The following PCGF3 variants were observed in gnomAD, a reference collection of about 807,000 sequenced individuals.
PCGF3 encodes the protein polycomb group ring finger 3.
PCGF3 carries 7 observed loss-of-function variants against 33.1 expected under a neutral mutation model. The observed-to-expected ratio is 0.21, with a 90% confidence interval of 0.12 to 0.40. PCGF3 has a LOEUF of 0.40. Among genes scored for constraint, PCGF3 ranks in the 10% least tolerant of loss-of-function variants. The pLI is 1.00. For missense variants in PCGF3, 211 were observed against 313.3 expected (o/e 0.67, Z 2.46); for synonymous variants, 153 against 121.3 (o/e 1.26, Z -1.72).
chr4:720,118 C>G lies in PCGF3; in HGVS notation c.-189-10512C>G, dbSNP rs1167837151. The stretch of plus-strand genomic sequence containing the variant: ...CTGGCATCGACTGGATGGCCTTTCC[C>G]TCCTGAGTGACAGCCCTGGACGTGC... On this transcript the variant is annotated intron_variant, in intron 1 of 10. Coordinates refer to ENST00000362003, the Ensembl canonical transcript of PCGF3. This position sits in a 1 kb window ranked among gnomAD's most constrained non-coding sequence, Gnocchi z 5.6. 5.3e-5 allele frequency among the ~76,000 whole-genome samples: 8 copies of G among 152,210 alleles called. No individual in the cohort carries two copies. The highest frequency in any genetic ancestry group is 5.2e-4 in the Admixed American group (8 of 15,292).
chr4:735,091 G>A (rs1003284821), intron 5 of PCGF3, 64 bp downstream of exon 5: 92 of 1,544,212 alleles, frequency 6.0e-5, no homozygotes, highest in Non-Finnish European at 5.9e-5. Flanking sequence ...CTCTGTGTGT[G>A]GGCCTTCCCA....
chr4:710,636 C>CATGATTCA (rs1410240754), intron 1 of PCGF3, among the ~76,000 whole-genome samples: 8 of 152,204 alleles, frequency 5.3e-5, no homozygotes, highest in Admixed American at 5.2e-4. Context: ...TCTCCGATGT[C>CATGATTCA]ACCGTCATGA....
intron 8 of PCGF3, among the ~76,000 whole-genome samples, chr4:748,436 T>G (rs1262110062): frequency 6.6e-6 from 1 of 152,204 alleles, no homozygotes; most frequent in Admixed American, 6.5e-5. Context: ...CTGGCCCGCC[T>G]CAGCCTCCCA....
chr4:732,679 G>C (rs1483122597), intron 3 of PCGF3, among the ~76,000 whole-genome samples: 1 of 152,166 alleles, frequency 6.6e-6, no homozygotes, highest in Non-Finnish European at 1.5e-5. Context: ...TGGGCCTCTT[G>C]GTGGCGGTGA....
chr4:764,767 C>A (rs910638064), intron 9 of PCGF3: 3 of 530,156 alleles, frequency 5.7e-6, no homozygotes, highest in Non-Finnish European at 1.0e-5. Context: ...ATATGTTGCA[C>A]TGGATTTCCG....
intron 8 of PCGF3, among the ~76,000 whole-genome samples, chr4:760,613 C>T (rs73222807): frequency 0.054 from 8,207 of 152,314 alleles, 298 homozygotes; most frequent in East Asian, 0.12. Flanking sequence ...CTAACTGTGC[C>T]GTTTGTTGCG....
At chr4:756,389 T>A (rs1361120443) in intron 8 of PCGF3, among the ~76,000 whole-genome samples, 1 of 151,688 alleles carries the variant, frequency 6.6e-6, no homozygotes, top group Non-Finnish European at 1.5e-5. Context: ...ATTTTTGTAT[T>A]TTTATTACAG....
chr4:716,528 C>T (rs1420445051), intron 1 of PCGF3, among the ~76,000 whole-genome samples: 1 of 124,352 alleles, frequency 8.0e-6, no homozygotes, highest in Admixed American at 8.2e-5. Flanking sequence ...AACTGGGTGT[C>T]GGTGCTGGGA....
chr4:761,533 G>GA (rs1745057652), intron 9 of PCGF3, 117 bp downstream of exon 9: 5 of 1,425,490 alleles, frequency 3.5e-6, no homozygotes, highest in African/African-American at 2.9e-5. Flanking sequence ...ATTTTAACCA[G>GA]AAAAAAATCC....
intron 6 of PCGF3, among the ~76,000 whole-genome samples, chr4:737,731 TATTC>T (rs1376105626): frequency 6.6e-6 from 1 of 152,196 alleles, no homozygotes; most frequent in African/African-American, 2.4e-5. Context: ...CCCTTATGTG[TATTC>T]ATTCAGCAAG....
chr4:765,182 C>A, intron 10 of PCGF3, 118 bp downstream of exon 10: 1 of 697,482 alleles, frequency 1.4e-6, no homozygotes, highest in Non-Finnish European at 2.6e-6. Context: ...GCCTGTAATC[C>A]CAGCACTTTG....
chr4:710,185 C>G (rs1171040716), intron 1 of PCGF3, among the ~76,000 whole-genome samples: 1 of 152,226 alleles, frequency 6.6e-6, no homozygotes, highest in Non-Finnish European at 1.5e-5. Flanking sequence ...CAGGTGGGCT[C>G]TGGCTCAGGG....
chr4:760,486 T>A (rs1744989243), intron 8 of PCGF3, among the ~76,000 whole-genome samples: 1 of 152,232 alleles, frequency 6.6e-6, no homozygotes, highest in Non-Finnish European at 1.5e-5. Context: ...TGTATCTGAT[T>A]ACCTTCAATA....
intron 7 of PCGF3, among the ~76,000 whole-genome samples, chr4:744,177 C>T (rs578190745): frequency 2.0e-5 from 3 of 152,330 alleles, no homozygotes; most frequent in Admixed American, 2.0e-4. Context: ...CCAAGCAGTC[C>T]TGTCAGAACC....
At chr4:712,883 T>C (rs917318563) in intron 1 of PCGF3, among the ~76,000 whole-genome samples, 1 of 152,268 alleles carries the variant, frequency 6.6e-6, no homozygotes, top group Non-Finnish European at 1.5e-5. Flanking sequence ...GAGAAATAGA[T>C]GCAAAGAGGG....
At chr4:708,102 C>G (rs1386369199) in intron 1 of PCGF3, among the ~76,000 whole-genome samples, 2 of 151,900 alleles carry the variant, frequency 1.3e-5, no homozygotes, top group Non-Finnish European at 1.5e-5. Context: ...GGGGCCGGGA[C>G]CCTGAGACAG....
chr4:742,602 G>C (rs979757663), intron 6 of PCGF3, among the ~76,000 whole-genome samples: 3 of 152,202 alleles, frequency 2.0e-5, no homozygotes, highest in Non-Finnish European at 4.4e-5. Context: ...CCCTTAGGGG[G>C]CCTTTGCCGA....
At chr4:726,837 C>G (rs1337804150) in intron 1 of PCGF3, among the ~76,000 whole-genome samples, 1 of 152,230 alleles carries the variant, frequency 6.6e-6, no homozygotes, top group Non-Finnish European at 1.5e-5. Context: ...GGACTTTTCA[C>G]CCCCTGTCCA....
intron 1 of PCGF3, among the ~76,000 whole-genome samples, chr4:718,134 C>A (rs1484491839): frequency 6.6e-6 from 1 of 152,166 alleles, no homozygotes; most frequent in Non-Finnish European, 1.5e-5. Context: ...GAGGTCAGGG[C>A]AGGGAAGTCC....
Sources: allele counts gnomAD v4.1 joint callset (sites outside exome capture counted in the v4.1 genomes callset), GRCh38; gene constraint gnomAD v4.1.1; non-coding constraint Gnocchi (gnomAD v3.1); transcripts MANE v1.5; gene names NCBI Gene and HGNC (gene_info 2026-07-23, HGNC 2026-07-21).